The following VPS13B variants were observed in gnomAD, a reference collection of about 807,000 sequenced individuals.
The protein encoded by VPS13B is intermembrane lipid transfer protein VPS13B.
Under a neutral mutation model 426.4 loss-of-function variants are expected in VPS13B, and 285 were observed. The observed-to-expected ratio is 0.67, with a 90% CI of 0.61 to 0.74. The LOEUF is 0.74. Ranked by LOEUF, VPS13B falls within the 30% of genes least tolerant of loss-of-function variation. The pLI is 0.00. For missense variants in VPS13B, 4,537 were observed against 4,782.6 expected (o/e 0.95, Z 1.51); for synonymous variants, 1,676 against 1,676.4 (o/e 1.00, Z 0.01).
intron 23 of VPS13B, among the ~76,000 whole-genome samples, chr8:99,457,076 G>C (rs1818505386): frequency 6.7e-6 from 1 of 149,682 alleles, no homozygotes; most frequent in African/African-American, 2.5e-5. Flanking sequence ...CTGTCGCCCA[G>C]GCTGGAGTGC....
At chr8:99,321,802 T>C (rs1443983833) in intron 19 of VPS13B, among the ~76,000 whole-genome samples, 2 of 152,242 alleles carry the variant, frequency 1.3e-5, no homozygotes, top group Non-Finnish European at 2.9e-5. Context: ...AAATGTGTTA[T>C]GGGATATTGA....
chr8:99,455,582 A>G (rs1255951621), intron 23 of VPS13B, among the ~76,000 whole-genome samples: 1 of 152,162 alleles, frequency 6.6e-6, no homozygotes, highest in Non-Finnish European at 1.5e-5. Context: ...GTTTTAGAAC[A>G]TTTCCATTAT....
chr8:99,586,237 A>G (rs527945306), intron 33 of VPS13B, among the ~76,000 whole-genome samples: 9 of 152,250 alleles, frequency 5.9e-5, no homozygotes, highest in Non-Finnish European at 1.2e-4. Context: ...TGATTCTTAA[A>G]TTTCTTCCTG....
In VPS13B at chr8:99,316,772, G is replaced by T. The variant is rs140069869; in HGVS notation, c.2824+41518G>T. Among the ~76,000 whole-genome samples, 269 of 152,228 alleles carry T rather than the reference G, an allele frequency of 1.8e-3. 1 individual carries two copies. The highest frequency in any genetic ancestry group is 6.3e-3 in the African/African-American group (263 of 41,530). ...GATTATTTACTCACTAGGTTCTTCT[G>T]TGTGAAGGGGATGAGTACCAGATGC... On this transcript the variant is annotated intron_variant, in intron 19 of 61. Transcript: ENST00000357162.
intron 33 of VPS13B, among the ~76,000 whole-genome samples, chr8:99,593,163 A>G (rs1371614802): frequency 1.3e-5 from 2 of 152,110 alleles, no homozygotes; most frequent in African/African-American, 4.8e-5. Context: ...CAAACTAACC[A>G]TCTGACAAAG....
chr8:99,467,601 A>G lies in VPS13B; in HGVS notation c.3633A>G (p.Leu1211=). ...TTGTTGTCTGTCTCCATGTTGACCTAGAGTCACTAGAGATAAAATGCTCTA... is the reference window on the plus strand; with the variant it reads ...TTGTTGTCTGTCTCCATGTTGACCTGGAGTCACTAGAGATAAAATGCTCTA... ...HSFVVCLHVD[L]ESLEIKCSNP... The change falls in exon 24 of 62, where the codon CTA becomes CTG. Residue 1211 remains leucine (L), a synonymous_variant. Transcript: ENST00000357162. 1 of 1,613,772 alleles carries G rather than the reference A, an allele frequency of 6.2e-7. No homozygotes were observed.
chr8:99,096,939 T>A (rs1846458540), intron 4 of VPS13B, among the ~76,000 whole-genome samples: 1 of 152,186 alleles, frequency 6.6e-6, no homozygotes, highest in South Asian at 2.1e-4. Flanking sequence ...CTTGAGACTC[T>A]GGTATCTTTT....
Position 99,875,435 on chromosome 8 carries a change from G to T in VPS13B, c.11763G>T (p.Glu3921Asp). The T allele has an allele frequency of 6.2e-7, 1 of 1,614,170 alleles. No homozygotes were observed. Among genetic ancestry groups the T allele is most frequent in the Non-Finnish European group, 8.5e-7 (1 of 1,179,998 alleles). ...GATCCTAGGTAGATGGAGTCCGAGA[G>T]AGACTGTCAGAGCAACAGTACAACA... ...ACDVEVDGVR[E>D]RLSEQQYNRL... is the part of the protein sequence containing the mutation. Residue 3921 changes from glutamate (E) to aspartate (D), a missense_variant, in exon 62 of 62, where the codon GAG becomes GAT. Physicochemically the swap from Glu to Asp is conservative, Grantham distance 45. Coordinates refer to ENST00000357162, the MANE Select transcript of VPS13B (RefSeq NM_152564.5).
At chr8:99,816,700 G>C (rs1482127497) in intron 44 of VPS13B, among the ~76,000 whole-genome samples, 2 of 152,034 alleles carry the variant, frequency 1.3e-5, no homozygotes, top group Non-Finnish European at 2.9e-5. Flanking sequence ...AGCTACTCTA[G>C]AGGCTGAGGT....
intron 21 of VPS13B, chr8:99,424,205 G>C (rs953051498): frequency 6.6e-6 from 1 of 151,638 alleles, no homozygotes; most frequent in Admixed American, 6.6e-5. Context: ...TTTAAAGTCT[G>C]TTTTATCAGA....
At chr8:99,212,379 A>T (rs1473067500) in intron 17 of VPS13B, among the ~76,000 whole-genome samples, 3 of 152,242 alleles carry the variant, frequency 2.0e-5, no homozygotes, top group East Asian at 1.9e-4. Flanking sequence ...GTTGCTGGGC[A>T]AATTAGAAAT....
At chr8:99,174,722 G>T (rs1054675654) in intron 16 of VPS13B, among the ~76,000 whole-genome samples, 29 of 152,094 alleles carry the variant, frequency 1.9e-4, no homozygotes, top group Admixed American at 1.5e-3. Context: ...CCATATTGCA[G>T]GGTCCTGGCT....
chr8:99,100,055 G>C (rs1412807634), intron 4 of VPS13B, among the ~76,000 whole-genome samples: 2 of 152,138 alleles, frequency 1.3e-5, no homozygotes, highest in Non-Finnish European at 2.9e-5. Flanking sequence ...AGATCTACTT[G>C]ACACTATCTT....
chr8:99,590,010 T>G (rs998507468), intron 33 of VPS13B, among the ~76,000 whole-genome samples: 1 of 152,178 alleles, frequency 6.6e-6, no homozygotes, highest in East Asian at 1.9e-4. Context: ...TGCCTCAATT[T>G]CAGAGCCTGT....
chr8:99,822,234 T>C (rs1014154752), intron 50 of VPS13B, among the ~76,000 whole-genome samples: 2 of 152,254 alleles, frequency 1.3e-5, no homozygotes, highest in Middle Eastern at 3.2e-3. Context: ...AGAATTCAGA[T>C]TGACCTTTTT....
intron 24 of VPS13B, among the ~76,000 whole-genome samples, chr8:99,473,477 GAA>G (rs1320675458): frequency 6.6e-6 from 1 of 152,024 alleles, no homozygotes; most frequent in Non-Finnish European, 1.5e-5. Flanking sequence ...CATTCATGAT[GAA>G]AAGTCTCAGC....
At chr8:99,365,767 A>T (rs1206899230) in intron 19 of VPS13B, among the ~76,000 whole-genome samples, 1 of 151,652 alleles carries the variant, frequency 6.6e-6, no homozygotes, top group African/African-American at 2.4e-5. Flanking sequence ...CGCCCCCTTC[A>T]GCCTCCCAAA....
intron 39 of VPS13B, among the ~76,000 whole-genome samples, chr8:99,740,571 G>C (rs1809656058): frequency 6.6e-6 from 1 of 152,196 alleles, no homozygotes. Context: ...GGCAGCCAGA[G>C]AGAAAGGTCA....
intron 23 of VPS13B, among the ~76,000 whole-genome samples, chr8:99,449,710 G>C (rs976012759): frequency 2.0e-5 from 3 of 152,106 alleles, no homozygotes; most frequent in African/African-American, 7.2e-5. Context: ...TAAATGATTA[G>C]ATCATTTATA....
Sources: gnomAD v4.1 joint callset for allele counts (sites outside exome capture counted in the v4.1 genomes callset) on GRCh38, gnomAD v4.1.1 for gene constraint, MANE v1.5 for transcripts, NCBI Gene and HGNC (gene_info 2026-07-23, HGNC 2026-07-21) for gene names.